Variants in SOAT1 observed in about 807,000 individuals in gnomAD.
SOAT1 encodes the protein acyl-coenzyme A:cholesterol acyltransferase 1.
In SOAT1, 55 loss-of-function variants were observed where a neutral mutation model predicts 69.5. The ratio of observed to expected loss-of-function variants is 0.79; its 90% CI spans 0.64 to 0.99. The LOEUF (loss-of-function observed/expected upper bound fraction) is 0.99, where lower values mean the gene tolerates loss of function less well. Among genes scored for constraint, SOAT1 ranks in the 50% least tolerant of loss-of-function variants. The pLI, the probability that SOAT1 is intolerant of heterozygous loss-of-function variation, is 0.00. For missense variants in SOAT1, 580 were observed against 669.3 expected, an observed-to-expected ratio of 0.87 and a Z score of 1.47; for synonymous variants, 231 against 224.7, an observed-to-expected ratio of 1.03 and a Z score of -0.25.
chr1:179,305,414 A>ATT lies in SOAT1; in HGVS notation c.118+2623_118+2624dup, dbSNP rs35559773. Among the ~76,000 whole-genome samples, 197 of 150,018 alleles carry ATT rather than the reference A, an allele frequency of 1.3e-3. 1 individual carries two copies. Among genetic ancestry groups the ATT allele is most frequent in the African/African-American group, 4.7e-3 (193 of 40,632 alleles). On this transcript the variant is annotated intron_variant, in intron 2 of 15. Transcript: ENST00000367619. ...ATGTTTTAATATGTATCAGTACTTCATTTTTTTTTTTTGTGGCTGAATAAT... is the reference window on the plus strand; with the variant it reads ...ATGTTTTAATATGTATCAGTACTTCATTTTTTTTTTTTTTGTGGCTGAATAAT...
chr1:179,312,228 T>C (rs925058759), intron 2 of SOAT1, among the ~76,000 whole-genome samples: 2 of 152,328 alleles, frequency 1.3e-5, no homozygotes, highest in Admixed American at 6.5e-5. Context: ...CCTATTTTCC[T>C]AACTTTTTCT....
At position 179,314,362 on chromosome 1, in the gene SOAT1, T is replaced by C. The variant is rs535996700; in HGVS notation, c.119-9075T>C. Reference sequence around the variant, plus strand: ...GCCTGGTTATTTGTCTCTTTTCTTCTGTGTAGCTTTGGCGGTAGATTGACT... The same window carrying C: ...GCCTGGTTATTTGTCTCTTTTCTTCCGTGTAGCTTTGGCGGTAGATTGACT... On this transcript the variant is annotated intron_variant, in intron 2 of 15. Transcript: ENST00000367619. 2.0e-5 allele frequency among the ~76,000 whole-genome samples: 3 copies of C among 152,316 alleles called. No homozygotes were observed. The East Asian group carries it at 5.8e-4, about 29-fold the overall frequency.
chr1:179,316,553 C>T (rs1332991655), intron 2 of SOAT1, among the ~76,000 whole-genome samples: 2 of 152,136 alleles, frequency 1.3e-5, no homozygotes, highest in Non-Finnish European at 1.5e-5. Flanking sequence ...TGTGCCACCA[C>T]GCCAGCTAAT....
Position 179,339,433 on chromosome 1 carries a change from T to G in SOAT1, c.390-5T>G. 6.3e-7 allele frequency: 1 copy of G among 1,577,424 alleles called. No homozygotes were observed. Among genetic ancestry groups the G allele is most frequent in the Non-Finnish European group, 8.6e-7 (1 of 1,160,440 alleles). ...TAACTTGTTTTGTTTGAACTACATT[T>G]ACAGTGAACTGCTTGAAGTGGACCA... is the stretch of plus-strand genomic sequence containing the variant. On this transcript the variant is annotated splice_polypyrimidine_tract_variant and splice_region_variant and intron_variant, in intron 5 of 15. Transcript: ENST00000367619.
At chr1:179,348,216 T>G (rs889959692) in intron 12 of SOAT1, among the ~76,000 whole-genome samples, 1 of 152,226 alleles carries the variant, frequency 6.6e-6, no homozygotes, top group African/African-American at 2.4e-5. Context: ...ATAGCATTCT[T>G]TAACCCTACC....
At chr1:179,312,312 C>A (rs994608031) in intron 2 of SOAT1, among the ~76,000 whole-genome samples, 9 of 151,812 alleles carry the variant, frequency 5.9e-5, no homozygotes, top group African/African-American at 1.7e-4. Flanking sequence ...CATGGTGGGT[C>A]CAGGAAATTG....
In SOAT1 at chr1:179,353,661, T is replaced by C; in HGVS notation, c.*20T>C. The C allele has an allele frequency of 1.9e-6, 3 of 1,600,838 alleles. No individual in the cohort carries two copies. Among genetic ancestry groups the C allele is most frequent in the Non-Finnish European group, 2.6e-6 (3 of 1,168,276 alleles). ...TTTTAGAAGCTTGGACTTTGTTTCCTCCTTGTCACTGAAGATTGGGTAGCT... is the reference window on the plus strand; with the variant it reads ...TTTTAGAAGCTTGGACTTTGTTTCCCCCTTGTCACTGAAGATTGGGTAGCT... On this transcript the variant is annotated 3_prime_UTR_variant, in exon 16 of 16. Transcript: ENST00000367619.
intron 13 of SOAT1, 51 bp from the exon 14 acceptor site, chr1:179,350,245 C>T (rs779314551): frequency 2.0e-6 from 3 of 1,514,658 alleles, no homozygotes; most frequent in Non-Finnish European, 1.8e-6. Flanking sequence ...ATAATCCATG[C>T]TTGCTTTAAA....
At chr1:179,349,941 T>C (rs750510430) in intron 13 of SOAT1, among the ~76,000 whole-genome samples, 1 of 152,220 alleles carries the variant, frequency 6.6e-6, no homozygotes, top group Non-Finnish European at 1.5e-5. Context: ...AGTTTTGTTA[T>C]GTGTAAAAAT....
intron 14 of SOAT1, among the ~76,000 whole-genome samples, chr1:179,351,059 T>G (rs1666712627): frequency 8.9e-6 from 1 of 111,744 alleles, no homozygotes; most frequent in Non-Finnish European, 1.9e-5. Context: ...TTTTTTTTTT[T>G]TGAGACAGAG....
chr1:179,310,624 C>T (rs143835609), intron 2 of SOAT1, among the ~76,000 whole-genome samples: 183 of 152,286 alleles, frequency 1.2e-3, no homozygotes, highest in Non-Finnish European at 2.3e-3. Context: ...TACTCCTAAA[C>T]CTAACCATAC....
intron 2 of SOAT1, among the ~76,000 whole-genome samples, chr1:179,314,793 TTAAAA>T (rs1029278363): frequency 5.9e-5 from 9 of 152,150 alleles, no homozygotes; most frequent in Non-Finnish European, 1.0e-4. Context: ...TCAAAACTGG[TTAAAA>T]TAAGATTTTT....
chr1:179,350,566 T>C (rs1471152872), intron 14 of SOAT1, 135 bp downstream of exon 14: 1 of 756,874 alleles, frequency 1.3e-6, no homozygotes, highest in African/African-American at 1.8e-5. Context: ...CTTTATCAGA[T>C]GGTCAGAATA....
intron 1 of SOAT1, among the ~76,000 whole-genome samples, chr1:179,295,049 C>G (rs1038819989): frequency 6.6e-6 from 1 of 151,904 alleles, no homozygotes; most frequent in African/African-American, 2.4e-5. Context: ...CTCTGTGGCA[C>G]TGAATTATCG....
Position 179,342,888 on chromosome 1 carries a change from C to G in SOAT1, c.886C>G (p.Gln296Glu). Residue 296 changes from glutamine (Q) to glutamate (E), a missense_variant, in exon 9 of 16, where the codon CAG (glutamine) becomes GAG (glutamate). Transcript: ENST00000367619. ...SSTVPIPTVNQYLYFLFAPTL... is the reference protein window; with the variant it reads ...SSTVPIPTVNEYLYFLFAPTL... ...CACTGTTCCAATACCTACAGTCAAC[C>G]AGTATTTGTACTTCTTATTTGCTCC... The G allele has an allele frequency of 6.2e-7, 1 of 1,613,636 alleles. No homozygotes were observed. The highest frequency in any genetic ancestry group is 1.3e-5 in the African/African-American group (1 of 75,038).
chr1:179,351,017 C>CTTTTT (rs1558060562), intron 14 of SOAT1, among the ~76,000 whole-genome samples: 14 of 13,942 alleles, frequency 1.0e-3, no homozygotes, highest in African/African-American at 2.8e-3. Flanking sequence ...CTGTATATTT[C>CTTTTT]TTTCTTTTTT....
chr1:179,299,628 TAAA>T (rs926038669), intron 1 of SOAT1, among the ~76,000 whole-genome samples: 1 of 151,014 alleles, frequency 6.6e-6, no homozygotes, highest in African/African-American at 2.4e-5. Flanking sequence ...ACATAAGCAC[TAAA>T]AAAAATCAGC....
chr1:179,303,709 A>G (rs1233483213), intron 2 of SOAT1, among the ~76,000 whole-genome samples: 2 of 152,222 alleles, frequency 1.3e-5, no homozygotes, highest in East Asian at 1.9e-4. Flanking sequence ...TTAGCTATAT[A>G]TGACATATTT....
intron 2 of SOAT1, among the ~76,000 whole-genome samples, chr1:179,322,407 G>C (rs1665633266): frequency 6.6e-6 from 1 of 151,120 alleles, no homozygotes; most frequent in Non-Finnish European, 1.5e-5. Flanking sequence ...TTTTGAGACA[G>C]AGTCTCACTC....
Sources: gnomAD v4.1 joint callset for allele counts (sites outside exome capture counted in the v4.1 genomes callset) on GRCh38, gnomAD v4.1.1 for gene constraint, MANE v1.5 for transcripts, NCBI Gene and HGNC (gene_info 2026-07-23, HGNC 2026-07-21) for gene names.